Variants in CTNNA1 observed in about 807,000 individuals in gnomAD.
The protein encoded by CTNNA1 is catenin alpha-1.
CTNNA1 carries 37 observed loss-of-function variants against 98.4 expected under a neutral mutation model. The ratio of observed to expected loss-of-function variants is 0.38; its 90% CI spans 0.29 to 0.49. The LOEUF is 0.49. Ranked by LOEUF, CTNNA1 falls within the 20% of genes least tolerant of loss-of-function variation. The pLI is 0.95. For missense variants in CTNNA1, 761 were observed against 1,147.2 expected (o/e 0.66, Z 4.86); for synonymous variants, 404 against 413.2 (o/e 0.98, Z 0.27).
In CTNNA1 at chr5:138,833,956, A is replaced by T. The variant is rs1761532285; in HGVS notation, c.1062+6238A>T. Among the ~76,000 whole-genome samples the T allele has an allele frequency of 2.6e-5, 4 of 152,232 alleles. No homozygotes were observed. In the South Asian group the frequency reaches 8.3e-4, roughly 31 times the overall value. ...GGTTGGACTGGATGTATATTTGAGG[A>T]ATATGACTATGTTAATACATCAAGT... On this transcript the variant is annotated intron_variant, in intron 7 of 17. Transcript: ENST00000302763.
intron 7 of CTNNA1, among the ~76,000 whole-genome samples, chr5:138,860,084 C>T (rs1764120715): frequency 6.6e-6 from 1 of 151,952 alleles, no homozygotes; most frequent in Non-Finnish European, 1.5e-5. Context: ...AAGGTGAGAT[C>T]TTAAAAATAT....
At chr5:138,901,250 T>C (rs1005771980) in intron 9 of CTNNA1, among the ~76,000 whole-genome samples, 2 of 151,570 alleles carry the variant, frequency 1.3e-5, no homozygotes, top group Admixed American at 1.3e-4. Flanking sequence ...CTCCACCTCC[T>C]GAGTTCAAGC....
chr5:138,809,310 G>A (rs1400014077), intron 3 of CTNNA1, among the ~76,000 whole-genome samples: 2 of 152,168 alleles, frequency 1.3e-5, no homozygotes, highest in African/African-American at 2.4e-5. Context: ...AAGAGGCCGT[G>A]TGTAACCCAA....
chr5:138,801,560 G>A (rs572471376), intron 3 of CTNNA1, among the ~76,000 whole-genome samples: 7 of 152,198 alleles, frequency 4.6e-5, no homozygotes, highest in Non-Finnish European at 1.0e-4. Flanking sequence ...TACAAACTTC[G>A]CTGCTAGCTT....
At chr5:138,763,431 G>C (rs1752583905) in intron 1 of CTNNA1, among the ~76,000 whole-genome samples, 1 of 150,616 alleles carries the variant, frequency 6.6e-6, no homozygotes, top group African/African-American at 2.4e-5. Context: ...CTTTTTTTTT[G>C]AGACAGGGTC....
In CTNNA1 at chr5:138,775,341, T is replaced by C. The variant is rs566134670; in HGVS notation, c.-2-6582T>C. ...ATTTCCTAAGGTTCACTGACTTGGG[T>C]TGATCAGTTGAGTGGACAAATAACC... On this transcript the variant is annotated intron_variant, in intron 1 of 17. Coordinates refer to ENST00000302763, the MANE Select transcript of CTNNA1 (RefSeq NM_001903.5). Among the ~76,000 whole-genome samples, 10 of 152,318 alleles carry C rather than the reference T, an allele frequency of 6.6e-5. No homozygotes were observed. The South Asian group carries it at 1.9e-3, about 28-fold the overall frequency.
chr5:138,841,747 A>G (rs1343094416), intron 7 of CTNNA1, among the ~76,000 whole-genome samples: 2 of 151,890 alleles, frequency 1.3e-5, no homozygotes, highest in Non-Finnish European at 2.9e-5. Context: ...TACAAGTATT[A>G]CTTTCAGATG....
intron 3 of CTNNA1, among the ~76,000 whole-genome samples, chr5:138,792,529 C>T (rs1756491968): frequency 6.6e-6 from 1 of 152,174 alleles, no homozygotes; most frequent in Admixed American, 6.5e-5. Context: ...AGACAGGAGG[C>T]AGAATGGAAT....
At chr5:138,776,726 C>A (rs1292047349) in intron 1 of CTNNA1, among the ~76,000 whole-genome samples, 1 of 148,166 alleles carries the variant, frequency 6.7e-6, no homozygotes, top group Non-Finnish European at 1.5e-5. Flanking sequence ...CAGAGGGGCT[C>A]CTCACTTCCC....
intron 1 of CTNNA1, chr5:138,761,931 T>C (rs1254392621): frequency 6.6e-6 from 1 of 152,124 alleles, no homozygotes; most frequent in African/African-American, 2.4e-5. Context: ...AATTTTTGTG[T>C]TTTCTGTAGA....
At chr5:138,894,801 A>G (rs1055102340) in intron 9 of CTNNA1, among the ~76,000 whole-genome samples, 8 of 152,116 alleles carry the variant, frequency 5.3e-5, no homozygotes, top group African/African-American at 1.9e-4. Context: ...CCTGCCTACA[A>G]CTGCCTTTCG....
intron 7 of CTNNA1, chr5:138,880,847 C>CT: frequency 3.0e-6 from 1 of 338,972 alleles, no homozygotes; most frequent in South Asian, 2.3e-5. Flanking sequence ...TATGCTAGCA[C>CT]TTAAGGTTGA....
chr5:138,840,786 C>A (rs938972311), intron 7 of CTNNA1, among the ~76,000 whole-genome samples: 25 of 151,432 alleles, frequency 1.7e-4, no homozygotes, highest in African/African-American at 5.9e-4. Flanking sequence ...AATAAAAACT[C>A]ATTGTGACTA....
chr5:138,925,209 G>T (rs1306623559), intron 12 of CTNNA1, 47 bp from the exon 13 acceptor site: 2 of 1,593,942 alleles, frequency 1.3e-6, no homozygotes, highest in Admixed American at 1.7e-5. Flanking sequence ...CCAGGGGAAT[G>T]ATGCTGCCTG....
At chr5:138,931,667 T>G in intron 16 of CTNNA1, 1 of 985,490 alleles carries the variant, frequency 1.0e-6, no homozygotes, top group Non-Finnish European at 1.2e-6. Context: ...CTTGGACTAC[T>G]GTGGCCGCTC....
At chr5:138,847,511 C>A (rs1277239965) in intron 7 of CTNNA1, among the ~76,000 whole-genome samples, 1 of 152,202 alleles carries the variant, frequency 6.6e-6, no homozygotes, top group Non-Finnish European at 1.5e-5. Flanking sequence ...AATATAATGT[C>A]CCCTGTCCAC....
At chr5:138,797,119 C>T (rs1173249544) in intron 3 of CTNNA1, among the ~76,000 whole-genome samples, 1 of 152,090 alleles carries the variant, frequency 6.6e-6, no homozygotes, top group Non-Finnish European at 1.5e-5. Flanking sequence ...TTCATTTTTG[C>T]ATGAACTAGC....
chr5:138,872,713 C>A (rs10062763), intron 7 of CTNNA1: 3,697 of 232,510 alleles, frequency 0.016, 143 homozygotes, highest in African/African-American at 0.08. Context: ...TATATGGAGA[C>A]CTTAGTGTAA....
At chr5:138,926,975 A>T in intron 13 of CTNNA1, among the ~76,000 whole-genome samples, 1 of 151,866 alleles carries the variant, frequency 6.6e-6, no homozygotes, top group African/African-American at 2.4e-5. Flanking sequence ...TCGGGCCCAG[A>T]CCTCGAATCT....
Sources: allele counts gnomAD v4.1 joint callset (sites outside exome capture counted in the v4.1 genomes callset), GRCh38; gene constraint gnomAD v4.1.1; transcripts MANE v1.5; gene names NCBI Gene and HGNC (gene_info 2026-07-23, HGNC 2026-07-21).